BTC: variants seen among roughly 807,000 people sequenced by gnomAD.
The protein encoded by BTC is probetacellulin.
A neutral mutation model predicts 18.1 loss-of-function variants in BTC; 13 were observed. The ratio of observed to expected loss-of-function variants is 0.72; its 90% confidence interval spans 0.47 to 1.14. The LOEUF (loss-of-function observed/expected upper bound fraction) is 1.14. BTC is among the 50% of genes most tolerant of loss of function. BTC has a pLI of 0.00. For missense variants in BTC, 247 were observed against 224.2 expected (o/e 1.10, Z -0.65); for synonymous variants, 83 against 79.4 (o/e 1.05, Z -0.24).
chr4:74,750,851 A>T (rs1724441842), intron 3 of BTC, 132 bp from the exon 4 acceptor site: 3 of 1,247,366 alleles, frequency 2.4e-6, no homozygotes, highest in South Asian at 2.9e-5. Flanking sequence ...TTAAAAAAAG[A>T]TGCACTACTT....
chr4:74,794,117 C>T (rs1725706908), intron 1 of BTC, 145 bp downstream of exon 1: 1 of 1,041,016 alleles, frequency 9.6e-7, no homozygotes. Context: ...TCGCGCTCTC[C>T]CAGCCTTCAA....
At chr4:74,760,209 A>G (rs1553957147) in intron 2 of BTC, among the ~76,000 whole-genome samples, 1 of 152,234 alleles carries the variant, frequency 6.6e-6, no homozygotes, top group African/African-American at 2.4e-5. Flanking sequence ...ATAGCCTTAT[A>G]GTATCTCCAG....
rs143785494 is a variant in BTC at position 74,788,922 on chromosome 4, G to T, written c.64+5340C>A. ...AAAGATAGGATACTGAGTTCTGGGA[G>T]AAAGCGATTCTTACATTTTCATTAT... On this transcript the variant is annotated intron_variant, in intron 1 of 5. Transcript: ENST00000395743. Among the ~76,000 whole-genome samples, 61 of 152,374 alleles carry T rather than the reference G, an allele frequency of 4.0e-4. No individual in the cohort carries two copies. The East Asian group carries it at 0.011, about 28-fold the overall frequency.
At chr4:74,752,834 TA>T (rs1161687463) in intron 3 of BTC, among the ~76,000 whole-genome samples, 34 of 152,348 alleles carry the variant, frequency 2.2e-4, no homozygotes, top group African/African-American at 8.2e-4. Context: ...GCTTTGTCCA[TA>T]AAATGCATGG....
intron 2 of BTC, among the ~76,000 whole-genome samples, chr4:74,762,226 A>C (rs1337882237): frequency 2.0e-5 from 3 of 152,168 alleles, no homozygotes; most frequent in African/African-American, 7.2e-5. Context: ...CATGTTCCAC[A>C]TTTTGATCTT....
intron 2 of BTC, among the ~76,000 whole-genome samples, chr4:74,768,288 A>G (rs932160541): frequency 3.9e-5 from 6 of 152,190 alleles, no homozygotes; most frequent in African/African-American, 1.4e-4. Context: ...CAAGATCTCA[A>G]TTAGATACTT....
At chr4:74,785,397 G>T (rs1048433276) in intron 1 of BTC, among the ~76,000 whole-genome samples, 1 of 152,002 alleles carries the variant, frequency 6.6e-6, no homozygotes, top group African/African-American at 2.4e-5. Context: ...ATTTCTTGAA[G>T]GTTTTTGCAT....
intron 1 of BTC, among the ~76,000 whole-genome samples, chr4:74,772,070 G>A (rs1482579602): frequency 6.6e-6 from 1 of 152,178 alleles, no homozygotes; most frequent in Non-Finnish European, 1.5e-5. Context: ...GTGGGAGTAT[G>A]TACTCATCTG....
intron 3 of BTC, among the ~76,000 whole-genome samples, chr4:74,753,459 A>G (rs1163621559): frequency 1.3e-5 from 2 of 152,232 alleles, no homozygotes; most frequent in South Asian, 4.1e-4. Context: ...GCTATGCTGC[A>G]TGTATAAATA....
chr4:74,776,649 C>T (rs73825044), intron 1 of BTC, among the ~76,000 whole-genome samples: 4,893 of 152,142 alleles, frequency 0.032, 243 homozygotes, highest in African/African-American at 0.11. Context: ...GAGCATGACA[C>T]GCCGTCTCAA....
In BTC at chr4:74,759,739, G is replaced by A. The variant is rs113023007; in HGVS notation, c.164-3763C>T. 5.4e-4 allele frequency among the ~76,000 whole-genome samples: 82 copies of A among 151,906 alleles called. No homozygotes were observed. In the East Asian group the frequency reaches 0.014, roughly 25 times the overall value. Reference sequence around the variant, plus strand: ...ACTCTAAGGGTTTGCAAAAGGAATCGGAAGTAAGGACATCTTTCTTAGATC... The same window carrying A: ...ACTCTAAGGGTTTGCAAAAGGAATCAGAAGTAAGGACATCTTTCTTAGATC... On this transcript the variant is annotated intron_variant, in intron 2 of 5. Coordinates refer to ENST00000395743, the MANE Select transcript of BTC (RefSeq NM_001729.4).
chr4:74,779,117 T>C (rs1230426368), intron 1 of BTC, among the ~76,000 whole-genome samples: 15 of 106,452 alleles, frequency 1.4e-4, no homozygotes, highest in African/African-American at 1.0e-3. Flanking sequence ...ATGAACTCCT[T>C]CTTCCTCCAA....
intron 1 of BTC, among the ~76,000 whole-genome samples, chr4:74,774,468 C>T (rs1247300329): frequency 6.6e-6 from 1 of 152,016 alleles, no homozygotes; most frequent in African/African-American, 2.4e-5. Context: ...AAGTATGGTG[C>T]AAAGATCTGC....
At chr4:74,774,992 G>T (rs1419124679) in intron 1 of BTC, among the ~76,000 whole-genome samples, 1 of 152,154 alleles carries the variant, frequency 6.6e-6, no homozygotes, top group African/African-American at 2.4e-5. Flanking sequence ...GTGAAAAAAA[G>T]GAGTCTGGGA....
chr4:74,765,756 G>A (rs868110899), intron 2 of BTC, among the ~76,000 whole-genome samples: 10 of 152,046 alleles, frequency 6.6e-5, no homozygotes, highest in Admixed American at 4.6e-4. Context: ...TACTTTTCAC[G>A]CACAAAGAAA....
At chr4:74,768,471 A>G (rs1724956762) in intron 2 of BTC, among the ~76,000 whole-genome samples, 1 of 152,144 alleles carries the variant, frequency 6.6e-6, no homozygotes, top group African/African-American at 2.4e-5. Flanking sequence ...ATGAACCTGA[A>G]AGCAATTTTG....
intron 1 of BTC, among the ~76,000 whole-genome samples, chr4:74,785,273 C>A (rs1466606181): frequency 6.6e-6 from 1 of 152,004 alleles, no homozygotes; most frequent in Non-Finnish European, 1.5e-5. Flanking sequence ...TGGTGATATC[C>A]CCCTTATCAT....
chr4:74,780,853 G>A (rs1725297982), intron 1 of BTC, among the ~76,000 whole-genome samples: 1 of 150,032 alleles, frequency 6.7e-6, no homozygotes, highest in South Asian at 2.1e-4. Context: ...GTTCCAAGTG[G>A]CCTGAGTCTT....
chr4:74,785,321 CTTT>C (rs1445538453), intron 1 of BTC, among the ~76,000 whole-genome samples: 3 of 152,062 alleles, frequency 2.0e-5, no homozygotes, highest in Admixed American at 1.3e-4. Context: ...CTCTTTTCTT[CTTT>C]ATTAGTCTAG....
Sources: allele counts gnomAD v4.1 joint callset (sites outside exome capture counted in the v4.1 genomes callset), GRCh38; gene constraint gnomAD v4.1.1; transcripts MANE v1.5; gene names NCBI Gene and HGNC (gene_info 2026-07-23, HGNC 2026-07-21).